Variants in ARHGAP42 observed in about 807,000 individuals in gnomAD.
The protein encoded by ARHGAP42 is rho GTPase-activating protein 42.
Under a neutral mutation model 125.0 loss-of-function variants are expected in ARHGAP42, and 63 were observed. That is an observed-to-expected ratio of 0.50 (90% confidence interval 0.41 to 0.62). The LOEUF is 0.62. Among genes scored for constraint, ARHGAP42 ranks in the 20% least tolerant of loss-of-function variants. The probability of loss-of-function intolerance (pLI) is 0.00; values close to 1 mark genes in which losing one functional copy is unlikely to be tolerated. For synonymous variants in ARHGAP42, 339 were observed against 351.0 expected, an observed-to-expected ratio of 0.97 and a Z score of 0.38; for missense variants, 766 against 1,024.2, an observed-to-expected ratio of 0.75 and a Z score of 3.44.
At chr11:100,922,200 G>A (rs554658703) in intron 6 of ARHGAP42, among the ~76,000 whole-genome samples, 5 of 152,230 alleles carry the variant, frequency 3.3e-5, no homozygotes, top group African/African-American at 4.8e-5. Context: ...GAAAACCAAC[G>A]GCTCTGTTTT....
chr11:100,911,278 C>T (rs1320547519), intron 4 of ARHGAP42, among the ~76,000 whole-genome samples: 1 of 152,038 alleles, frequency 6.6e-6, no homozygotes, highest in East Asian at 1.9e-4. Flanking sequence ...GAAGAATTTA[C>T]TTATTAAATA....
chr11:100,992,205 C>A lies in ARHGAP42; in HGVS notation c.*3404C>A, dbSNP rs914053823. 1.1e-5 allele frequency: 14 copies of A among 1,308,788 alleles called. No individual in the cohort carries two copies. The highest frequency in any genetic ancestry group is 2.4e-5 in the East Asian group (1 of 41,000). The allele number at this position is 1,308,788 out of a possible 1,614,324, so 81.1% of individuals were successfully genotyped here. On this transcript the variant is annotated 3_prime_UTR_variant, in exon 24 of 24. Coordinates refer to ENST00000298815, the MANE Select transcript of ARHGAP42 (RefSeq NM_152432.4). The stretch of plus-strand genomic sequence containing the variant: ...AGGATGCCTTCTTTAGCATTTAGAA[C>A]CCCAACTAGACTTATACTTTGACTA...
intron 13 of ARHGAP42, 94 bp downstream of exon 13, chr11:100,960,039 G>C: frequency 1.8e-6 from 2 of 1,122,264 alleles, no homozygotes; most frequent in East Asian, 5.2e-5. Context: ...AGATGTATTT[G>C]GTCATTAACA....
chr11:100,722,860 G>A (rs1861788200), intron 1 of ARHGAP42, among the ~76,000 whole-genome samples: 2 of 152,096 alleles, frequency 1.3e-5, no homozygotes, highest in Non-Finnish European at 2.9e-5. Flanking sequence ...ATCTAACTTT[G>A]GGTTTGCCAA....
chr11:100,958,918 A>AT (rs34385506), intron 12 of ARHGAP42, among the ~76,000 whole-genome samples: 27,849 of 104,738 alleles, frequency 0.27, 3,455 homozygotes, highest in East Asian at 0.44. Context: ...CCCTTTCTTG[A>AT]TTTTTATCAT....
Position 100,828,209 on chromosome 11 carries a change from A to G in ARHGAP42, c.313-31345A>G, listed in dbSNP as rs1591215501. 2.0e-5 allele frequency among the ~76,000 whole-genome samples: 3 copies of G among 152,206 alleles called. No homozygotes were observed. The East Asian group carries it at 5.8e-4, about 30-fold the overall frequency. ...TAGTCAGTGGCAAAGCATGAGGGTA[A>G]TACTTTTCTTCCTTTTGTGTTACAC... On this transcript the variant is annotated intron_variant, in intron 3 of 23. Coordinates refer to ENST00000298815, the MANE Select transcript of ARHGAP42 (RefSeq NM_152432.4).
At chr11:100,967,350 CA>C (rs1398393917) in intron 17 of ARHGAP42, among the ~76,000 whole-genome samples, 1 of 152,010 alleles carries the variant, frequency 6.6e-6, no homozygotes, top group Non-Finnish European at 1.5e-5. Flanking sequence ...TATTAAATTA[CA>C]AAAAATATAT....
intron 3 of ARHGAP42, among the ~76,000 whole-genome samples, chr11:100,820,449 A>G (rs1565228213): frequency 1.3e-5 from 2 of 152,238 alleles, no homozygotes; most frequent in East Asian, 3.9e-4. Context: ...CTGAGAGAAA[A>G]AGAAGGCATC....
intron 1 of ARHGAP42, among the ~76,000 whole-genome samples, chr11:100,769,100 A>T (rs914710303): frequency 1.3e-5 from 2 of 152,222 alleles, no homozygotes; most frequent in African/African-American, 2.4e-5. Context: ...AGTGGTAAGT[A>T]TGTATATCTA....
At chr11:100,698,564 A>C (rs1229506786) in intron 1 of ARHGAP42, among the ~76,000 whole-genome samples, 1 of 152,110 alleles carries the variant, frequency 6.6e-6, no homozygotes, top group Admixed American at 6.6e-5. Flanking sequence ...AATTCCAGCT[A>C]CTGGGGAAGG....
At chr11:100,844,375 A>G (rs1865013536) in intron 3 of ARHGAP42, among the ~76,000 whole-genome samples, 1 of 145,236 alleles carries the variant, frequency 6.9e-6, no homozygotes, top group African/African-American at 2.9e-5. Context: ...ATCCTTTTAG[A>G]GATTGTCTTA....
intron 1 of ARHGAP42, among the ~76,000 whole-genome samples, chr11:100,711,106 AG>A (rs1361360954): frequency 1.3e-5 from 2 of 152,238 alleles, no homozygotes; most frequent in Non-Finnish European, 2.9e-5. Context: ...GTGATATTCC[AG>A]AGCTTAGGAC....
chr11:100,933,892 A>G (rs1212752704), intron 7 of ARHGAP42, among the ~76,000 whole-genome samples: 1 of 152,060 alleles, frequency 6.6e-6, no homozygotes, highest in African/African-American at 2.4e-5. Flanking sequence ...GGTTCAAGCA[A>G]TTCTCCTGCC....
chr11:100,767,934 A>C (rs150984241), intron 1 of ARHGAP42, among the ~76,000 whole-genome samples: 85 of 152,308 alleles, frequency 5.6e-4, no homozygotes, highest in African/African-American at 1.9e-3. Context: ...AGTGGTCTAC[A>C]GAATTGTCCT....
At chr11:100,748,495 A>G (rs1159824087) in intron 1 of ARHGAP42, among the ~76,000 whole-genome samples, 1 of 152,224 alleles carries the variant, frequency 6.6e-6, no homozygotes, top group Non-Finnish European at 1.5e-5. Flanking sequence ...TTAATGTTAA[A>G]TCATCTTTTT....
chr11:100,963,753 AG>A (rs2135303477), intron 16 of ARHGAP42, among the ~76,000 whole-genome samples: 1 of 152,362 alleles, frequency 6.6e-6, no homozygotes, highest in Admixed American at 6.5e-5. Flanking sequence ...CTAGGAAATC[AG>A]GACACAAAGT....
At chr11:100,748,848 T>C (rs1862369370) in intron 1 of ARHGAP42, among the ~76,000 whole-genome samples, 1 of 151,776 alleles carries the variant, frequency 6.6e-6, no homozygotes, top group Admixed American at 6.6e-5. Context: ...CCTTCAATTA[T>C]TAATTATAGG....
chr11:100,857,917 G>A (rs1044335928), intron 3 of ARHGAP42, among the ~76,000 whole-genome samples: 1 of 152,046 alleles, frequency 6.6e-6, no homozygotes, highest in Non-Finnish European at 1.5e-5. Context: ...GCTTGTGAAG[G>A]ACTTATTGCA....
At chr11:100,961,202 C>G (rs1817236838) in intron 14 of ARHGAP42, among the ~76,000 whole-genome samples, 1 of 151,982 alleles carries the variant, frequency 6.6e-6, no homozygotes, top group Non-Finnish European at 1.5e-5. Flanking sequence ...CCCCAAGTGT[C>G]CTTTGGTAAG....
Sources: gnomAD v4.1 joint callset for allele counts (sites outside exome capture counted in the v4.1 genomes callset) on GRCh38, gnomAD v4.1.1 for gene constraint, MANE v1.5 for transcripts, NCBI Gene and HGNC (gene_info 2026-07-23, HGNC 2026-07-21) for gene names.